GAD1: variants seen among roughly 807,000 people sequenced by gnomAD.
The protein encoded by GAD1 is glutamate decarboxylase 1, also known as 67 kDa glutamic acid decarboxylase.
A neutral mutation model predicts 75.2 loss-of-function variants in GAD1; 35 were observed. That is an observed-to-expected ratio of 0.47 (90% CI 0.36 to 0.62). The LOEUF (loss-of-function observed/expected upper bound fraction) is 0.62. Ranked by LOEUF, GAD1 falls within the 20% of genes least tolerant of loss-of-function variation. The pLI is 0.00. For missense variants in GAD1, 490 were observed against 758.5 expected (o/e 0.65, Z 4.16); for synonymous variants, 257 against 271.9 (o/e 0.95, Z 0.54).
chr2:170,847,790 G>A lies in GAD1; in HGVS notation c.1117G>A (p.Asp373Asn), dbSNP rs902885771. 3 of 1,602,164 alleles carry A rather than the reference G, an allele frequency of 1.9e-6. No homozygotes were observed. The highest frequency in any genetic ancestry group is 2.6e-6 in the Non-Finnish European group (3 of 1,169,138). ...CEKYNLWLHV[D>N]AAWGGGLLMS... ...GAAATATAACCTTTGGTTGCATGTC[G>A]ATGTAAGTGCTATATAACTCAGGCC... The change falls in exon 11 of 17, where the codon GAT (aspartate) becomes AAT (asparagine). Residue 373 changes from aspartate to asparagine, a missense_variant and splice_region_variant. By Grantham distance (23) the Asp-to-Asn change is conservative (BLOSUM62 1). Around this residue, in one of 3 missense-constraint regions of GAD1, gnomAD observed 324 missense variants for 523.9 expected, o/e 0.62. Transcript: ENST00000358196.
At position 170,852,788 on chromosome 2, in the gene GAD1, A is replaced by G. The variant is rs1325203081; in HGVS notation, c.1259A>G (p.Glu420Gly). The stretch of plus-strand genomic sequence containing the variant: ...CAGTGCTCTGCCATTCTCGTCAAGG[A>G]AAAGGTCTGTACTCCCTCCAAAGCT... Reference protein sequence around the residue: ...LLQCSAILVKEKGILQGCNQM... With the variant: ...LLQCSAILVKGKGILQGCNQM... The change falls in exon 13 of 17, where the codon GAA (glutamate) becomes GGA (glycine). Residue 420 changes from glutamate to glycine, a missense_variant. Coordinates refer to ENST00000358196, the MANE Select transcript of GAD1 (RefSeq NM_000817.3). 1 of 1,613,752 alleles carries G rather than the reference A, an allele frequency of 6.2e-7. No homozygotes were observed. Among genetic ancestry groups the G allele is most frequent in the Admixed American group, 1.7e-5 (1 of 60,010 alleles).
chr2:170,841,942 T>C (rs1293861863), intron 6 of GAD1, among the ~76,000 whole-genome samples: 1 of 152,224 alleles, frequency 6.6e-6, no homozygotes, highest in African/African-American at 2.4e-5. Context: ...CCTTAGTACA[T>C]AGGATGTCAC....
At chr2:170,852,218 T>C (rs1164382725) in intron 12 of GAD1, among the ~76,000 whole-genome samples, 2 of 152,198 alleles carry the variant, frequency 1.3e-5, no homozygotes, top group African/African-American at 4.8e-5. Flanking sequence ...ACCTACCTTA[T>C]AGGGTTGTGG....
intron 9 of GAD1, 21 bp from the exon 10 acceptor site, chr2:170,845,988 C>T: frequency 6.2e-7 from 1 of 1,609,676 alleles, no homozygotes; most frequent in African/African-American, 1.3e-5. Flanking sequence ...TTTAATTTCC[C>T]TCCTTTTCCA....
rs761683604 is a variant in GAD1 at position 170,818,736 on chromosome 2, G to C, written c.82+63G>C. The C allele has an allele frequency of 1.4e-5, 21 of 1,503,686 alleles. No homozygotes were observed. The highest frequency in any genetic ancestry group is 1.6e-5 in the Non-Finnish European group (17 of 1,079,452). 93.1% of individuals were successfully genotyped at this position (1,503,686 alleles called of 1,614,324 possible). A position where few individuals can be genotyped will look rare whatever the true frequency, so the allele number is the denominator to read the frequency against. On this transcript the variant is annotated intron_variant, in intron 2 of 16. Transcript: ENST00000358196. The surrounding 1 kb of genome is among the most constrained non-coding windows in gnomAD (Gnocchi z 5.9). ...GGGAAGATGGGGGCGCTGGGACGTC[G>C]GGAGGCTGAGCTGGCGGAAAGGGAA...
At chr2:170,826,344 A>G (rs1222954143) in intron 3 of GAD1, among the ~76,000 whole-genome samples, 1 of 152,030 alleles carries the variant, frequency 6.6e-6, no homozygotes, top group Admixed American at 6.6e-5. Context: ...AGACAGGTGG[A>G]TCACCTGAGG....
chr2:170,842,592 G>T (rs1221311829), intron 6 of GAD1: 1 of 1,614,030 alleles, frequency 6.2e-7, no homozygotes, highest in South Asian at 1.1e-5. Context: ...AGGGAGTGTT[G>T]GTTGCTACGG....
chr2:170,824,127 G>A (rs926591827), intron 3 of GAD1, among the ~76,000 whole-genome samples: 1 of 152,222 alleles, frequency 6.6e-6, no homozygotes, highest in African/African-American at 2.4e-5. Flanking sequence ...ACAGTCCTCA[G>A]AGAGTTTCCT....
At position 170,859,789 on chromosome 2, in the gene GAD1, C is replaced by G; in HGVS notation, c.1692C>G (p.Asn564Lys). Residue 564 changes from asparagine to lysine, a missense_variant, in exon 17 of 17, where the codon AAC becomes AAG. This residue lies in a region of GAD1 where 324 missense variants were observed against 523.9 expected (regional missense o/e 0.62). Coordinates refer to ENST00000358196, the MANE Select transcript of GAD1 (RefSeq NM_000817.3). ...VGYQPQGDKA[N>K]FFRMVISNPA... ...ACCAGCCCCAAGGGGACAAGGCCAACTTCTTCCGGATGGTCATCTCCAACC... is the reference window on the plus strand; with the variant it reads ...ACCAGCCCCAAGGGGACAAGGCCAAGTTCTTCCGGATGGTCATCTCCAACC... 2 of 1,614,210 alleles carry G rather than the reference C, an allele frequency of 1.2e-6. No individual in the cohort carries two copies. The highest frequency in any genetic ancestry group is 1.7e-6 in the Non-Finnish European group (2 of 1,180,044).
Position 170,859,968 on chromosome 2 carries a change from A to C in GAD1, c.*86A>C, listed in dbSNP as rs556368553. ...ACCTCTATATGTTGCTGAAACACAC[A>C]GGCCATTTCATTGAGGGAAAACATA... On this transcript the variant is annotated 3_prime_UTR_variant, in exon 17 of 17. Transcript: ENST00000358196. 1.6e-6 allele frequency: 2 copies of C among 1,213,130 alleles called. No individual in the cohort carries two copies. The highest frequency in any genetic ancestry group is 2.4e-6 in the Non-Finnish European group (2 of 831,978). The allele number at this position is 1,213,130 out of a possible 1,614,324, so 75.1% of individuals were successfully genotyped here.
At chr2:170,821,894 G>T in intron 2 of GAD1, 193 bp from the exon 3 acceptor site, 1 of 601,018 alleles carries the variant, frequency 1.7e-6, no homozygotes, top group Admixed American at 2.7e-5. Context: ...GAGCAGGAAG[G>T]GAGTATGATG....
intron 10 of GAD1, among the ~76,000 whole-genome samples, chr2:170,846,831 C>A (rs45555432): frequency 0.027 from 4,102 of 152,178 alleles, 106 homozygotes; most frequent in South Asian, 0.097. Flanking sequence ...CATAGGGTAA[C>A]CCACATCTCT....
In GAD1 at chr2:170,831,050, C is replaced by T. The variant is rs539301028; in HGVS notation, c.405C>T (p.Ser135=). The change falls in exon 5 of 17, where the codon TCC becomes TCT. Residue 135 remains serine (S), a synonymous_variant. Coordinates refer to ENST00000358196, the MANE Select transcript of GAD1 (RefSeq NM_000817.3). ...LNYVRKTFDR[S]TKVLDFHHPH... ...ATGTCCGCAAGACATTTGATCGCTC[C>T]ACCAAGGTGCTGGACTTTCATCACC... 6.8e-6 allele frequency: 11 copies of T among 1,614,206 alleles called. No individual in the cohort carries two copies. The Admixed American group carries it at 1.5e-4, about 22-fold the overall frequency.
intron 15 of GAD1, 131 bp from the exon 16 acceptor site, chr2:170,858,673 T>C: frequency 1.3e-6 from 1 of 776,104 alleles, no homozygotes; most frequent in Non-Finnish European, 2.2e-6. Context: ...GAAGTAACAT[T>C]GCCTTTGAGA....
At chr2:170,842,688 C>T in intron 6 of GAD1, 1 of 1,612,170 alleles carries the variant, frequency 6.2e-7, no homozygotes, top group Non-Finnish European at 8.5e-7. Context: ...GGGTCTTCCT[C>T]CTAAATTTCC....
Position 170,857,074 on chromosome 2 carries a change from C to G in GAD1, c.1470C>G (p.Leu490=), listed in dbSNP as rs1559287555. Reference sequence around the variant, plus strand: ...AATGCCTGGAACTGGCTGAATACCTCTATGCCAAGATTAAAAACAGAGAAG... The same window carrying G: ...AATGCCTGGAACTGGCTGAATACCTGTATGCCAAGATTAAAAACAGAGAAG... ...INKCLELAEY[L]YAKIKNREEF... is the part of the protein sequence containing the mutation. The change falls in exon 15 of 17, where the codon CTC becomes CTG. Residue 490 remains leucine, a synonymous_variant. Transcript: ENST00000358196. 6.2e-7 allele frequency: 1 copy of G among 1,613,990 alleles called. No homozygotes were observed. The highest frequency in any genetic ancestry group is 8.5e-7 in the Non-Finnish European group (1 of 1,179,974).
intron 6 of GAD1, among the ~76,000 whole-genome samples, chr2:170,839,629 A>C (rs1255716203): frequency 9.2e-5 from 14 of 152,004 alleles, no homozygotes; most frequent in Non-Finnish European, 2.9e-5. Context: ...AAAAAAAAAA[A>C]ATCTATGTCC....
chr2:170,815,635 G>A (rs1473394371), upstream of GAD1, among the ~76,000 whole-genome samples: 1 of 152,198 alleles, frequency 6.6e-6, no homozygotes, highest in East Asian at 1.9e-4. Context: ...CTGGGGAGAG[G>A]GGGAGGACCA....
chr2:170,859,019 G>A (rs1702909249), intron 16 of GAD1, 126 bp downstream of exon 16: 3 of 837,744 alleles, frequency 3.6e-6, no homozygotes, highest in Non-Finnish European at 6.0e-6. Flanking sequence ...TGGGTTTCTA[G>A]TAATGGGGTG....
Sources: gnomAD v4.1 joint callset for allele counts (sites outside exome capture counted in the v4.1 genomes callset) on GRCh38, gnomAD v4.1.1 for gene constraint, gnomAD v4.1.1 regional missense constraint, Gnocchi (gnomAD v3.1) non-coding constraint, MANE v1.5 for transcripts, NCBI Gene and HGNC (gene_info 2026-07-23, HGNC 2026-07-21) for gene names.